The following LAMA3 variants were observed in gnomAD, a reference collection of about 807,000 sequenced individuals.
LAMA3 encodes the protein laminin subunit alpha-3.
In LAMA3, 281 loss-of-function variants were observed where a neutral mutation model predicts 402.0. That is an observed-to-expected ratio of 0.70 (90% CI 0.63 to 0.77). The LOEUF (loss-of-function observed/expected upper bound fraction) is 0.77, where lower values mean the gene tolerates loss of function less well. Among genes scored for constraint, LAMA3 ranks in the 30% least tolerant of loss-of-function variants. LAMA3 has a pLI of 0.00. For synonymous variants in LAMA3, 1,431 were observed against 1,558.4 expected (o/e 0.92, Z 1.93); for missense variants, 3,840 against 4,215.5 (o/e 0.91, Z 2.47).
At chr18:23,717,628 C>G (rs1045830349) in intron 2 of LAMA3, among the ~76,000 whole-genome samples, 2 of 136,780 alleles carry the variant, frequency 1.5e-5, no homozygotes, top group East Asian at 4.5e-4. Context: ...TATCAGCTCA[C>G]TGCAACCTCC....
chr18:23,754,145 G>A (rs2061801129), intron 6 of LAMA3, among the ~76,000 whole-genome samples: 1 of 152,114 alleles, frequency 6.6e-6, no homozygotes, highest in Non-Finnish European at 1.5e-5. Flanking sequence ...GGTTTAATGG[G>A]ATCAGGGTAT....
At chr18:23,793,193 G>A (rs1261315009) in intron 12 of LAMA3, among the ~76,000 whole-genome samples, 2 of 152,224 alleles carry the variant, frequency 1.3e-5, no homozygotes, top group Non-Finnish European at 2.9e-5. Context: ...ACCTGGCCCT[G>A]GGGTGATTAG....
Position 23,712,506 on chromosome 18 carries a change from G to A in LAMA3, c.295-1414G>A, listed in dbSNP as rs547553262. ...TTGGTTGAGTTTCTAGGGGGTGCAA[G>A]GCAGTGTGTTGGGTTGAAGTGATAG... On this transcript the variant is annotated intron_variant, in intron 1 of 74. Coordinates refer to ENST00000313654, the MANE Select transcript of LAMA3 (RefSeq NM_198129.4). Among the ~76,000 whole-genome samples, 16 of 151,450 alleles carry A rather than the reference G, an allele frequency of 1.1e-4. No homozygotes were observed. The South Asian group carries it at 3.4e-3, about 32-fold the overall frequency.
chr18:23,866,757 C>G (rs1352094689), intron 36 of LAMA3, among the ~76,000 whole-genome samples: 1 of 152,192 alleles, frequency 6.6e-6, no homozygotes, highest in East Asian at 1.9e-4. Context: ...AAAACATTTT[C>G]CCTGCTGCTT....
intron 1 of LAMA3, among the ~76,000 whole-genome samples, chr18:23,709,557 G>A (rs1401381950): frequency 6.6e-6 from 1 of 151,322 alleles, no homozygotes; most frequent in South Asian, 2.1e-4. Flanking sequence ...GTCAGAAATA[G>A]CAGAGACTTA....
chr18:23,899,270 C>A lies in LAMA3; in HGVS notation c.5837-18C>A. 6.2e-7 allele frequency: 1 copy of A among 1,610,292 alleles called. No homozygotes were observed. Among genetic ancestry groups the A allele is most frequent in the Non-Finnish European group, 8.5e-7 (1 of 1,177,322 alleles). On this transcript the variant is annotated intron_variant, in intron 46 of 74. Transcript: ENST00000313654. ...AGCCCAGAATTCCCAGTCTAATAGA[C>A]CACTTGATGTTTCCTAGTTCTTTTA...
In LAMA3 at chr18:23,951,783, T is replaced by A; in HGVS notation, c.9736+6T>A. The A allele has an allele frequency of 6.2e-7, 1 of 1,607,130 alleles. No individual in the cohort carries two copies. The highest frequency in any genetic ancestry group is 1.7e-5 in the Admixed American group (1 of 59,992). On this transcript the variant is annotated splice_donor_region_variant and intron_variant, in intron 73 of 74. Transcript: ENST00000313654. Reference sequence around the variant, plus strand: ...ACAGTGGCACTCGGTGGCAGGTATGTTGTCCAGTAGCTGATTGTTCATGCA... The same window carrying A: ...ACAGTGGCACTCGGTGGCAGGTATGATGTCCAGTAGCTGATTGTTCATGCA...
intron 2 of LAMA3, among the ~76,000 whole-genome samples, chr18:23,741,694 A>C (rs192020079): frequency 7.7e-4 from 118 of 152,358 alleles, no homozygotes; most frequent in African/African-American, 2.7e-3. Context: ...TTACTTATTA[A>C]TTACAAATGT....
chr18:23,858,566 T>C (rs1367582051), intron 33 of LAMA3, 123 bp from the exon 34 acceptor site: 2 of 882,020 alleles, frequency 2.3e-6, no homozygotes, highest in Non-Finnish European at 3.9e-6. Context: ...ACATCTCTTT[T>C]AATGTTTTGC....
chr18:23,890,661 A>C (rs775209309), intron 42 of LAMA3, among the ~76,000 whole-genome samples: 2 of 152,214 alleles, frequency 1.3e-5, no homozygotes, highest in Non-Finnish European at 2.9e-5. Flanking sequence ...TCTTTGACAG[A>C]ATATTAATAG....
intron 44 of LAMA3, among the ~76,000 whole-genome samples, chr18:23,897,153 A>G (rs757087846): frequency 3.3e-5 from 5 of 152,194 alleles, no homozygotes; most frequent in Non-Finnish European, 7.4e-5. Context: ...AAATCATGGA[A>G]ATGAAAAAAT....
At chr18:23,765,034 A>T (rs2062047298) in intron 8 of LAMA3, among the ~76,000 whole-genome samples, 1 of 152,256 alleles carries the variant, frequency 6.6e-6, no homozygotes, top group African/African-American at 2.4e-5. Context: ...AGCACTGAAG[A>T]GTAAAAATAA....
At chr18:23,899,626 T>C in intron 47 of LAMA3, 171 bp downstream of exon 47, 1 of 677,696 alleles carries the variant, frequency 1.5e-6, no homozygotes, top group African/African-American at 1.8e-5. Flanking sequence ...GAGTCCCAGG[T>C]TACCAACGGG....
Position 23,816,504 on chromosome 18 carries a change from C to T in LAMA3, c.2147+17C>T, listed in dbSNP as rs780264440. 59 of 1,597,336 alleles carry T rather than the reference C, an allele frequency of 3.7e-5. No homozygotes were observed. Among genetic ancestry groups the T allele is most frequent in the Non-Finnish European group, 4.9e-5 (57 of 1,165,520 alleles). On this transcript the variant is annotated intron_variant, in intron 18 of 74. Coordinates refer to ENST00000313654, the MANE Select transcript of LAMA3 (RefSeq NM_198129.4). ...GTGCCAGCGGTGAGTCTTCGGGAGG[C>T]TTCTTCCCATGTTCAGGGTGTGAAA...
chr18:23,855,662 T>C (rs892074540), intron 32 of LAMA3, among the ~76,000 whole-genome samples: 4 of 152,182 alleles, frequency 2.6e-5, no homozygotes, highest in African/African-American at 9.7e-5. Context: ...GACACTTTTC[T>C]GAGAATATGG....
In LAMA3 at chr18:23,828,368, AAAT is replaced by A. The variant is rs769879291; in HGVS notation, c.2823+906_2823+908del. 7.2e-5 allele frequency among the ~76,000 whole-genome samples: 11 copies of A among 152,352 alleles called. No homozygotes were observed. In the Middle Eastern group the frequency reaches 0.014, roughly 188 times the overall value. ...ATTTTATTTGAATTTTCATGCTACG[AAAT>A]AATATTTACTTGTAACAAGTAAAAC... On this transcript the variant is annotated intron_variant, in intron 23 of 74. Coordinates refer to ENST00000313654, the MANE Select transcript of LAMA3 (RefSeq NM_198129.4).
intron 51 of LAMA3, among the ~76,000 whole-genome samples, chr18:23,904,952 T>C (rs2081194503): frequency 6.6e-6 from 1 of 152,154 alleles, no homozygotes; most frequent in African/African-American, 2.4e-5. Flanking sequence ...AAATATTATA[T>C]CCTATATCTT....
Position 23,777,624 on chromosome 18 carries a change from G to A in LAMA3, c.1468+5G>A, listed in dbSNP as rs371863208. ...CAGTAGCTGGAGATATAAAAGGCAA[G>A]TAACCTCCCTTTTGGTTTAACTCCA... On this transcript the variant is annotated splice_donor_5th_base_variant and intron_variant, in intron 11 of 74. Transcript: ENST00000313654. 276 of 1,604,502 alleles carry A rather than the reference G, an allele frequency of 1.7e-4. No homozygotes were observed. The highest frequency in any genetic ancestry group is 2.3e-4 in the Non-Finnish European group (264 of 1,171,362).
Position 23,939,391 on chromosome 18 carries a change from T to C in LAMA3, c.9026+5T>C. On this transcript the variant is annotated splice_donor_5th_base_variant and intron_variant, in intron 68 of 74. Transcript: ENST00000313654. ...TCAGGAGCTGCTGAAACCCAGGTAT[T>C]ATTTAGCTTTCCTGCCCCAGCACCA... The C allele has an allele frequency of 6.2e-7, 1 of 1,614,006 alleles. No homozygotes were observed. The highest frequency in any genetic ancestry group is 1.1e-5 in the South Asian group (1 of 91,078).
Sources: allele counts gnomAD v4.1 joint callset (sites outside exome capture counted in the v4.1 genomes callset), GRCh38; gene constraint gnomAD v4.1.1; transcripts MANE v1.5; gene names NCBI Gene and HGNC (gene_info 2026-07-23, HGNC 2026-07-21).